The following PLEKHA2 variants were observed in gnomAD, a reference collection of about 807,000 sequenced individuals.
PLEKHA2 encodes pleckstrin homology domain containing A2.
Under a neutral mutation model 53.2 loss-of-function variants are expected in PLEKHA2, and 28 were observed. The ratio of observed to expected loss-of-function variants is 0.53; its 90% CI spans 0.39 to 0.72. The LOEUF (loss-of-function observed/expected upper bound fraction) is 0.72. PLEKHA2 is among the 30% of genes least tolerant of loss of function. PLEKHA2 has a pLI of 0.00. For synonymous variants in PLEKHA2, 193 were observed against 196.4 expected (o/e 0.98, Z 0.14); for missense variants, 426 against 537.9 (o/e 0.79, Z 2.06).
intron 3 of PLEKHA2, 96 bp from the exon 4 acceptor site, chr8:38,943,693 T>C: frequency 1.1e-6 from 1 of 907,130 alleles, no homozygotes; most frequent in East Asian, 2.8e-5. Flanking sequence ...AGACATATGT[T>C]TAATGTACTC....
chr8:38,955,204 C>A (rs183268769), intron 9 of PLEKHA2, among the ~76,000 whole-genome samples: 1 of 152,272 alleles, frequency 6.6e-6, no homozygotes. Context: ...TTATCCCTCA[C>A]CCCCCTCCTG....
Position 38,969,703 on chromosome 8 carries a change from A to G in PLEKHA2, c.1198A>G (p.Arg400Gly). Reference protein sequence around the residue: ...GVLPSSRIRHRSEPQHPKEKP... With the variant: ...GVLPSSRIRHGSEPQHPKEKP... Reference sequence around the variant, plus strand: ...GCTGCCCAGCTCCCGGATAAGGCACAGATCGGAGCCCCAGCACCCCAAGGA... The same window carrying G: ...GCTGCCCAGCTCCCGGATAAGGCACGGATCGGAGCCCCAGCACCCCAAGGA... The change falls in exon 12 of 12, where the codon AGA (arginine) becomes GGA (glycine). Residue 400 changes from arginine (R) to glycine (G), a missense_variant. By Grantham distance (125) the Arg-to-Gly change is moderately radical. Transcript: ENST00000617275. 6.4e-7 allele frequency: 1 copy of G among 1,566,208 alleles called. No individual in the cohort carries two copies. The highest frequency in any genetic ancestry group is 8.7e-7 in the Non-Finnish European group (1 of 1,155,564).
intron 3 of PLEKHA2, among the ~76,000 whole-genome samples, chr8:38,938,522 C>T (rs1466101450): frequency 6.6e-6 from 1 of 152,272 alleles, no homozygotes; most frequent in Non-Finnish European, 1.5e-5. Context: ...GGGGCTGGCC[C>T]TAGCCGTGCC....
Position 38,952,152 on chromosome 8 carries a change from CTGTT to C in PLEKHA2, c.487-12_487-9del. The C allele has an allele frequency of 6.2e-7, 1 of 1,610,530 alleles. No individual in the cohort carries two copies. The highest frequency in any genetic ancestry group is 1.7e-4 in the Middle Eastern group (1 of 5,840). ...AGGGAGGGAGGCGCTGATACTGACA[CTGTT>C]TCCTTGCAGAACGGTGGGGATGGGC... On this transcript the variant is annotated splice_polypyrimidine_tract_variant and intron_variant, in intron 6 of 11. Coordinates refer to ENST00000617275, the MANE Select transcript of PLEKHA2 (RefSeq NM_021623.2).
At chr8:38,947,741 A>G (rs1423075396) in intron 5 of PLEKHA2, among the ~76,000 whole-genome samples, 1 of 152,156 alleles carries the variant, frequency 6.6e-6, no homozygotes, top group Non-Finnish European at 1.5e-5. Flanking sequence ...TTTTGAGAGG[A>G]AACACAGCAG....
intron 10 of PLEKHA2, among the ~76,000 whole-genome samples, chr8:38,967,003 G>A (rs1835150402): frequency 7.1e-6 from 1 of 141,634 alleles, no homozygotes; most frequent in Non-Finnish European, 1.5e-5. Context: ...ATGTCCATGT[G>A]TACCCATTAT....
intron 2 of PLEKHA2, among the ~76,000 whole-genome samples, chr8:38,935,637 T>G (rs4582529): frequency 0.87 from 132,648 of 152,120 alleles, 58,484 homozygotes; most frequent in African/African-American, 0.96. Context: ...CAGGCTGGTC[T>G]CAAACTCCTG....
rs1373936675 is a variant in PLEKHA2, at chr8:38,922,123, AC to A, written c.141+4057del. On this transcript the variant is annotated intron_variant, in intron 2 of 11. Transcript: ENST00000617275. This position sits in a 1 kb window ranked among gnomAD's most constrained non-coding sequence, Gnocchi z 4.0. ...AAAAAGTAGCACAGCTGGGACTCTA[AC>A]CCCGGCAGTCTAACTCTAGTGCCCC... Among the ~76,000 whole-genome samples the A allele has an allele frequency of 1.3e-5, 2 of 152,048 alleles. 1 individual carries two copies. The highest frequency in any genetic ancestry group is 2.9e-5 in the Non-Finnish European group (2 of 67,990).
intron 3 of PLEKHA2, among the ~76,000 whole-genome samples, chr8:38,939,426 C>T (rs1251856768): frequency 3.3e-5 from 5 of 152,250 alleles, no homozygotes; most frequent in Admixed American, 3.3e-4. Flanking sequence ...CCGAATCGCC[C>T]TTCCATGGTA....
chr8:38,952,834 T>C, intron 8 of PLEKHA2, 130 bp downstream of exon 8: 1 of 893,220 alleles, frequency 1.1e-6, no homozygotes, highest in East Asian at 2.6e-5. Flanking sequence ...CTCTGTCTTA[T>C]CTCCATTCTG....
chr8:38,909,702 T>C (rs1323610375), intron 1 of PLEKHA2, among the ~76,000 whole-genome samples: 4 of 152,138 alleles, frequency 2.6e-5, no homozygotes. Flanking sequence ...CAGGCAGCCA[T>C]TGACTTCCTT....
At chr8:38,968,140 G>T (rs1835174941) in intron 10 of PLEKHA2, among the ~76,000 whole-genome samples, 1 of 152,290 alleles carries the variant, frequency 6.6e-6, no homozygotes, top group African/African-American at 2.4e-5. Flanking sequence ...AATTGAAAGT[G>T]GGATTATTCT....
At chr8:38,904,615 C>T (rs1326088342) in intron 1 of PLEKHA2, among the ~76,000 whole-genome samples, 3 of 152,212 alleles carry the variant, frequency 2.0e-5, no homozygotes, top group Middle Eastern at 3.2e-3. Flanking sequence ...GGAGTCAGCA[C>T]ATTGCCTGGA....
chr8:38,941,266 G>C (rs187443843), intron 3 of PLEKHA2, among the ~76,000 whole-genome samples: 42 of 152,308 alleles, frequency 2.8e-4, no homozygotes, highest in Middle Eastern at 6.8e-3. Context: ...ATGTTAGTCA[G>C]GCTGGTCTCG....
At chr8:38,935,818 C>A (rs1019428240) in intron 2 of PLEKHA2, among the ~76,000 whole-genome samples, 176 bp from the exon 3 acceptor site, 4 of 152,180 alleles carry the variant, frequency 2.6e-5, no homozygotes, top group African/African-American at 9.7e-5. Flanking sequence ...AATCCTGAAT[C>A]ATTATCCAGG....
intron 1 of PLEKHA2, among the ~76,000 whole-genome samples, chr8:38,905,851 AT>A (rs1833865610): frequency 6.6e-6 from 1 of 151,804 alleles, no homozygotes; most frequent in African/African-American, 2.4e-5. Flanking sequence ...CGCCCAGCTA[AT>A]TTTTTGTATT....
At chr8:38,946,089 G>A in intron 4 of PLEKHA2, 35 bp from the exon 5 acceptor site, 2 of 1,523,770 alleles carry the variant, frequency 1.3e-6, no homozygotes, top group African/African-American at 1.4e-5. Flanking sequence ...TTCTGACCTA[G>A]GAATGTCTTC....
chr8:38,951,994 C>T (rs1278925554), intron 6 of PLEKHA2, among the ~76,000 whole-genome samples, 172 bp from the exon 7 acceptor site: 2 of 152,220 alleles, frequency 1.3e-5, no homozygotes, highest in Non-Finnish European at 2.9e-5. Context: ...AAGCGATCCT[C>T]CTGCCTTGGC....
At chr8:38,904,992 C>A (rs1233001818) in intron 1 of PLEKHA2, among the ~76,000 whole-genome samples, 11 of 152,192 alleles carry the variant, frequency 7.2e-5, no homozygotes. Context: ...CTCCATTTTG[C>A]AGATTAGGAA....
Sources: allele counts gnomAD v4.1 joint callset (sites outside exome capture counted in the v4.1 genomes callset), GRCh38; gene constraint gnomAD v4.1.1; non-coding constraint Gnocchi (gnomAD v3.1); transcripts MANE v1.5; gene names NCBI Gene and HGNC (gene_info 2026-07-23, HGNC 2026-07-21).